Variants in PXDN observed in about 807,000 individuals in gnomAD.
PXDN encodes peroxidasin homolog.
Under a neutral mutation model 140.3 loss-of-function variants are expected in PXDN, and 77 were observed. The observed-to-expected ratio is 0.55, with a 90% CI of 0.46 to 0.66. The LOEUF (loss-of-function observed/expected upper bound fraction) is 0.66, where lower values mean the gene tolerates loss of function less well. Among genes scored for constraint, PXDN ranks in the 30% least tolerant of loss-of-function variants. The pLI, the probability that PXDN is intolerant of heterozygous loss-of-function variation, is 0.00. For synonymous variants in PXDN, 911 were observed against 857.4 expected, an observed-to-expected ratio of 1.06 and a Z score of -1.09; for missense variants, 1,838 against 2,039.5, an observed-to-expected ratio of 0.90 and a Z score of 1.90.
At chr2:1,694,936 G>A (rs1428574705) in intron 1 of PXDN, among the ~76,000 whole-genome samples, 3 of 152,244 alleles carry the variant, frequency 2.0e-5, no homozygotes, top group African/African-American at 7.2e-5. Flanking sequence ...GGGCTTCCCA[G>A]CATTTGAACA....
chr2:1,730,241 T>C (rs1031208674), intron 1 of PXDN, among the ~76,000 whole-genome samples: 13 of 152,208 alleles, frequency 8.5e-5, no homozygotes, highest in African/African-American at 2.9e-4. Context: ...TTTAAAAATA[T>C]GTTGTAAAAG....
rs111839555 is a variant in PXDN at position 1,669,834 on chromosome 2, C to CTAAATAAA, written c.1019-3356_1019-3349dup. 4.6e-4 allele frequency: 69 copies of CTAAATAAA among 151,272 alleles called. 1 individual carries two copies. The highest frequency in any genetic ancestry group is 2.7e-3 in the South Asian group (13 of 4,730). 9.4% of individuals were successfully genotyped at this position (151,272 alleles called of 1,614,324 possible). A position where few individuals can be genotyped will look rare whatever the true frequency, so the allele number is the denominator to read the frequency against. ...AGCCTGGGCAACAGCGAGACTCTGT[C>CTAAATAAA]TAAATAAATAAATAAATAAATAATT... On this transcript the variant is annotated intron_variant, in intron 9 of 22. Transcript: ENST00000252804.
chr2:1,660,830 G>A lies in PXDN; in HGVS notation c.1837+51C>T. 6.4e-7 allele frequency: 1 copy of A among 1,572,072 alleles called. No individual in the cohort carries two copies. ...CCTGGGACCACACTAGGGACCTGCG[G>A]GCTTTCTTTGTGGATACCATGTGGG... is the stretch of plus-strand genomic sequence containing the variant. On this transcript the variant is annotated intron_variant, in intron 14 of 22. Transcript: ENST00000252804. This position sits in a 1 kb window ranked among gnomAD's most constrained non-coding sequence, Gnocchi z 4.6.
intron 1 of PXDN, among the ~76,000 whole-genome samples, chr2:1,719,208 G>T (rs1284056856): frequency 1.3e-5 from 2 of 152,136 alleles, no homozygotes; most frequent in African/African-American, 4.8e-5. Flanking sequence ...TCCCCGTGTG[G>T]GAACAGAGCC....
At position 1,702,970 on chromosome 2, in the gene PXDN, C is replaced by CAACTCCAGGTAAAGGA. The variant is rs1558515867; in HGVS notation, c.201-9837_201-9836insTCCTTTACCTGGAGTT. On this transcript the variant is annotated intron_variant, in intron 1 of 22. Transcript: ENST00000252804. ...ATGAATTTAGTTCAGTCTAGAAAGG[C>CAACTCCAGGTAAAGGA]GGGACAACTCCAGGTGAAGGGGGGG... Among the ~76,000 whole-genome samples the CAACTCCAGGTAAAGGA allele has an allele frequency of 1.1e-4, 14 of 125,030 alleles. 1 individual carries two copies. Among genetic ancestry groups the CAACTCCAGGTAAAGGA allele is most frequent in the African/African-American group, 3.8e-4 (11 of 29,004 alleles). The allele number at this position is 125,030 out of a possible 152,430, so 82.0% of individuals were successfully genotyped here. A position where few individuals can be genotyped will look rare whatever the true frequency, so the allele number is the denominator to read the frequency against.
intron 8 of PXDN, among the ~76,000 whole-genome samples, chr2:1,674,092 A>T (rs1683640340): frequency 6.6e-6 from 1 of 152,258 alleles, no homozygotes; most frequent in South Asian, 2.1e-4. Flanking sequence ...CAAAGGAGAA[A>T]GCAATGAACA....
At chr2:1,701,486 G>T (rs1684428113) in intron 1 of PXDN, among the ~76,000 whole-genome samples, 1 of 152,222 alleles carries the variant, frequency 6.6e-6, no homozygotes, top group Admixed American at 6.5e-5. Flanking sequence ...AGAGTGGAGG[G>T]CAAGGGTGTA....
intron 17 of PXDN, among the ~76,000 whole-genome samples, chr2:1,646,510 G>A (rs111240931): frequency 0.012 from 1,839 of 152,236 alleles, 44 homozygotes; most frequent in African/African-American, 0.042. Flanking sequence ...CTGGATTAAC[G>A]GAGTGCGCAC....
Position 1,692,969 on chromosome 2 carries a change from G to A in PXDN, c.272+94C>T, listed in dbSNP as rs1401253091. 7 of 1,222,712 alleles carry A rather than the reference G, an allele frequency of 5.7e-6. No homozygotes were observed. In the African/African-American group the frequency reaches 1.1e-4, roughly 18 times the overall value. 75.7% of individuals were successfully genotyped at this position (1,222,712 alleles called of 1,614,324 possible). On this transcript the variant is annotated intron_variant, in intron 2 of 22. Transcript: ENST00000252804. Reference sequence around the variant, plus strand: ...TCCTGCTCCACTTTTCCCCACCCAAGCCCACTGATTGTGGATGATGAGTTC... The same window carrying A: ...TCCTGCTCCACTTTTCCCCACCCAAACCCACTGATTGTGGATGATGAGTTC...
intron 1 of PXDN, among the ~76,000 whole-genome samples, chr2:1,705,701 G>A (rs1192348102): frequency 6.7e-6 from 1 of 149,398 alleles, no homozygotes; most frequent in Non-Finnish European, 1.5e-5. Flanking sequence ...CGTGACCTGG[G>A]ATGCAGGGTG....
At chr2:1,712,932 C>T (rs1198641120) in intron 1 of PXDN, among the ~76,000 whole-genome samples, 1 of 152,196 alleles carries the variant, frequency 6.6e-6, no homozygotes, top group Non-Finnish European at 1.5e-5. Flanking sequence ...ACCATGGTGG[C>T]CAGGCTGGTC....
At chr2:1,742,195 G>A (rs1250438736) in intron 1 of PXDN, among the ~76,000 whole-genome samples, 3 of 152,234 alleles carry the variant, frequency 2.0e-5, no homozygotes, top group Non-Finnish European at 4.4e-5. Context: ...CTCTCCCAGA[G>A]CTTCTGTTTC....
At chr2:1,723,765 G>A (rs1022506581) in intron 1 of PXDN, among the ~76,000 whole-genome samples, 1 of 152,068 alleles carries the variant, frequency 6.6e-6, no homozygotes, top group African/African-American at 2.4e-5. Flanking sequence ...GGGTGACATG[G>A]GCACTGATCC....
chr2:1,739,222 G>A (rs1019066012), intron 1 of PXDN, among the ~76,000 whole-genome samples: 4 of 152,094 alleles, frequency 2.6e-5, no homozygotes, highest in Non-Finnish European at 5.9e-5. Flanking sequence ...ACTGAGTCAC[G>A]CATTCTCTTT....
intron 19 of PXDN, among the ~76,000 whole-genome samples, chr2:1,640,549 C>G (rs75382202): frequency 0.026 from 3,896 of 152,314 alleles, 150 homozygotes; most frequent in African/African-American, 0.09. Flanking sequence ...AACAGTCCCA[C>G]TGAATGTGTT....
intron 10 of PXDN, 40 bp from the exon 11 acceptor site, chr2:1,665,114 A>AG: frequency 6.8e-7 from 1 of 1,469,398 alleles, no homozygotes; most frequent in Non-Finnish European, 9.4e-7. Context: ...CATGTAAAAA[A>AG]CAGCCTGGGG....
chr2:1,649,194 G>T lies in PXDN; in HGVS notation c.2586C>A (p.Ile862=). The change falls in exon 17 of 23, where the codon ATC becomes ATA. Residue 862 remains isoleucine, a synonymous_variant. Transcript: ENST00000252804. This position sits in a 1 kb window ranked among gnomAD's most constrained non-coding sequence, Gnocchi z 7.1. The part of the protein sequence containing the change: ...SNDPPCFSVM[I]PPNDSRARSG... The stretch of plus-strand genomic sequence containing the variant: ...TCCTGGCCCGGGAGTCATTGGGGGG[G>T]ATCATGACAGAGAAGCAGGGGGGGT... 6.6e-7 allele frequency: 1 copy of T among 1,523,768 alleles called. No homozygotes were observed. 94.4% of individuals were successfully genotyped at this position (1,523,768 alleles called of 1,614,324 possible).
chr2:1,663,847 C>T, intron 11 of PXDN, 84 bp from the exon 12 acceptor site: 1 of 1,533,498 alleles, frequency 6.5e-7, no homozygotes, highest in Non-Finnish European at 8.8e-7. Context: ...ACCACAGAAG[C>T]TTGTCTCCAC....
chr2:1,696,267 C>G (rs1044392751), intron 1 of PXDN, among the ~76,000 whole-genome samples: 16 of 152,186 alleles, frequency 1.1e-4, no homozygotes, highest in African/African-American at 3.9e-4. Context: ...AAGTAGTTCT[C>G]ATCACATTTC....
Sources: allele counts gnomAD v4.1 joint callset (sites outside exome capture counted in the v4.1 genomes callset), GRCh38; gene constraint gnomAD v4.1.1; non-coding constraint Gnocchi (gnomAD v3.1); transcripts MANE v1.5; gene names NCBI Gene and HGNC (gene_info 2026-07-23, HGNC 2026-07-21).